FRMD4A: variants seen among roughly 807,000 people sequenced by gnomAD.
The protein encoded by FRMD4A is FERM domain-containing protein 4A.
A neutral mutation model predicts 129.1 loss-of-function variants in FRMD4A; 29 were observed. That is an observed-to-expected ratio of 0.22 (90% CI 0.17 to 0.31). The LOEUF is 0.31. Ranked by LOEUF, FRMD4A falls within the 10% of genes least tolerant of loss-of-function variation. The pLI is 1.00. For missense variants in FRMD4A, 1,272 were observed against 1,375.8 expected, an observed-to-expected ratio of 0.92 and a Z score of 1.19; for synonymous variants, 634 against 571.6, an observed-to-expected ratio of 1.11 and a Z score of -1.56.
rs1000862754 is a variant in FRMD4A at position 13,657,163 on chromosome 10, C to T, written c.2426G>A (p.Gly809Asp). Residue 809 changes from glycine to aspartate, a missense_variant, in exon 22 of 25, where the codon GGT (glycine) becomes GAT (aspartate). Physicochemically the swap from Gly to Asp is moderately conservative, Grantham distance 94 (BLOSUM62 -1). Transcript: ENST00000357447. ...CCCCGCGCCCCCCGCGCCCCCCGCACCCCCGCGCGCCGCCAGGTTGGGCAT... is the reference window on the plus strand; with the variant it reads ...CCCCGCGCCCCCCGCGCCCCCCGCATCCCCGCGCGCCGCCAGGTTGGGCAT... ...GSMPNLAARG[G>D]AGGAGGAGGG... 2.7e-6 allele frequency: 4 copies of T among 1,486,884 alleles called. No individual in the cohort carries two copies. The highest frequency in any genetic ancestry group is 3.6e-6 in the Non-Finnish European group (4 of 1,124,176). The allele number at this position is 1,486,884 out of a possible 1,614,324, so 92.1% of individuals were successfully genotyped here.
At chr10:14,277,004 A>G (rs949623396) in intron 2 of FRMD4A, among the ~76,000 whole-genome samples, 1 of 152,176 alleles carries the variant, frequency 6.6e-6, no homozygotes, top group South Asian at 2.1e-4. Flanking sequence ...AGCTGAGATT[A>G]CAGGTACTCA....
intron 3 of FRMD4A, among the ~76,000 whole-genome samples, chr10:13,853,526 G>C (rs1246635227): frequency 1.3e-5 from 2 of 151,950 alleles, no homozygotes; most frequent in African/African-American, 4.8e-5. Flanking sequence ...GATAGAGCGA[G>C]ACCCTGCCTG....
In FRMD4A at chr10:13,654,344, T is replaced by G. The variant is rs770071596; in HGVS notation, c.3050+72A>C. 7 of 987,030 alleles carry G rather than the reference T, an allele frequency of 7.1e-6. No homozygotes were observed. In the Admixed American group the frequency reaches 8.4e-5, roughly 12 times the overall value. 61.1% of individuals were successfully genotyped at this position (987,030 alleles called of 1,614,324 possible). ...TCATCCATTTACTGACATATCCTTA[T>G]GTCACCAGGATCTGAACGTCTATGA... is the stretch of plus-strand genomic sequence containing the variant. On this transcript the variant is annotated intron_variant, in intron 23 of 24. Transcript: ENST00000357447.
chr10:13,859,058 A>G (rs559702014), intron 2 of FRMD4A, 146 bp from the exon 3 acceptor site: 9 of 666,510 alleles, frequency 1.4e-5, no homozygotes, highest in Non-Finnish European at 2.4e-5. Context: ...AGGAGTTGGA[A>G]GGATCAGTTC....
chr10:14,194,640 G>C lies in FRMD4A; in HGVS notation c.45+135418C>G, dbSNP rs1420165206. ...ACAACAACAACAACAAAAAACCAAG[G>C]AGCATTCCTACTTCCTGCTTCAGGA... On this transcript the variant is annotated intron_variant, in intron 2 of 24. Transcript: ENST00000357447. 2.0e-5 allele frequency among the ~76,000 whole-genome samples: 3 copies of C among 152,088 alleles called. No homozygotes were observed. The East Asian group carries it at 5.8e-4, about 29-fold the overall frequency.
chr10:13,824,321 C>A (rs373256508), intron 3 of FRMD4A, among the ~76,000 whole-genome samples: 411 of 98,984 alleles, frequency 4.2e-3, no homozygotes, highest in Middle Eastern at 6.6e-3. Flanking sequence ...ACTAAAAATA[C>A]AAAAAAAAAA....
chr10:14,181,645 A>G (rs1191799173), intron 2 of FRMD4A, among the ~76,000 whole-genome samples: 1 of 152,186 alleles, frequency 6.6e-6, no homozygotes, highest in Non-Finnish European at 1.5e-5. Context: ...TATTTCTGGT[A>G]TAAAACACTA....
At chr10:13,716,838 CTCTG>C (rs976766343) in intron 12 of FRMD4A, among the ~76,000 whole-genome samples, 5 of 152,200 alleles carry the variant, frequency 3.3e-5, no homozygotes, top group Non-Finnish European at 5.9e-5. Context: ...AGAGGCCTCT[CTCTG>C]TATTATTTTC....
chr10:14,143,843 A>T (rs886836660), intron 2 of FRMD4A, among the ~76,000 whole-genome samples: 3 of 152,164 alleles, frequency 2.0e-5, no homozygotes, highest in African/African-American at 7.2e-5. Context: ...TTCTGACCTC[A>T]GGTGATCTGT....
chr10:13,976,365 G>A (rs1401713143), intron 2 of FRMD4A, among the ~76,000 whole-genome samples: 1 of 152,140 alleles, frequency 6.6e-6, no homozygotes, highest in African/African-American at 2.4e-5. Flanking sequence ...CCAAAGACAG[G>A]ACAGAAGAGG....
intron 2 of FRMD4A, among the ~76,000 whole-genome samples, chr10:14,294,819 A>T (rs1044759970): frequency 7.9e-5 from 12 of 152,210 alleles, no homozygotes; most frequent in African/African-American, 2.9e-4. Flanking sequence ...TCCAAAGGTT[A>T]TGGTGGGCTC....
Position 13,709,614 on chromosome 10 carries a change from C to T in FRMD4A, c.760-2501G>A, listed in dbSNP as rs111876924. Among the ~76,000 whole-genome samples the T allele has an allele frequency of 5.5e-3, 843 of 152,268 alleles. 8 individuals carry two copies. The highest frequency in any genetic ancestry group is 0.019 in the African/African-American group (790 of 41,552). ...TCCCAGTGCCTCTCCCCTCCTCTCA[C>T]GTAAGGGATGTGGATGGTACTTCAA... On this transcript the variant is annotated intron_variant, in intron 12 of 24. Coordinates refer to ENST00000357447, the MANE Select transcript of FRMD4A (RefSeq NM_018027.5).
At chr10:13,750,089 A>AAAGAAATG (rs1554880557) in intron 8 of FRMD4A, among the ~76,000 whole-genome samples, 168 of 81,828 alleles carry the variant, frequency 2.1e-3, no homozygotes, top group Middle Eastern at 0.012. Context: ...AGAAAGAAAG[A>AAAGAAATG]AAGAAAGAAA....
chr10:13,789,769 A>ATGTGTGTGTGTGTGTGTGTGTG (rs57602565), intron 5 of FRMD4A, among the ~76,000 whole-genome samples: 70 of 130,208 alleles, frequency 5.4e-4, no homozygotes, highest in African/African-American at 1.9e-3. Context: ...GCTGCTTATA[A>ATGTGTGTGTGTGTGTGTGTGTG]TGTGTGTGTG....
chr10:13,742,271 C>T (rs1368954939), intron 9 of FRMD4A, among the ~76,000 whole-genome samples: 1 of 152,186 alleles, frequency 6.6e-6, no homozygotes, highest in Admixed American at 6.5e-5. Context: ...CCGCTCCCAC[C>T]CCCGCTTTCG....
chr10:13,849,379 A>T (rs7923387), intron 3 of FRMD4A, among the ~76,000 whole-genome samples: 1 of 151,848 alleles, frequency 6.6e-6, no homozygotes, highest in African/African-American at 2.4e-5. Flanking sequence ...ACCTGCCCAC[A>T]CTACTCAGTT....
chr10:14,070,388 A>G (rs955361804), intron 2 of FRMD4A, among the ~76,000 whole-genome samples: 2 of 152,146 alleles, frequency 1.3e-5, no homozygotes, highest in Non-Finnish European at 2.9e-5. Context: ...CGCATCCTTC[A>G]TCTTCATTTG....
At chr10:14,109,684 T>C (rs574898456) in intron 2 of FRMD4A, among the ~76,000 whole-genome samples, 25 of 152,278 alleles carry the variant, frequency 1.6e-4, no homozygotes, top group African/African-American at 6.0e-4. Context: ...TTCTTAAAAA[T>C]GCTTTGACCA....
intron 2 of FRMD4A, chr10:14,082,852 A>G (rs1172953868): frequency 6.6e-6 from 1 of 152,252 alleles, no homozygotes; most frequent in African/African-American, 2.4e-5. Context: ...AGATCTGAGC[A>G]AATAGATTTT....
Sources: gnomAD v4.1 joint callset for allele counts (sites outside exome capture counted in the v4.1 genomes callset) on GRCh38, gnomAD v4.1.1 for gene constraint, MANE v1.5 for transcripts, NCBI Gene and HGNC (gene_info 2026-07-23, HGNC 2026-07-21) for gene names.